ITGAX: variants seen among roughly 807,000 people sequenced by gnomAD.
ITGAX encodes the protein integrin subunit alpha X, also known as integrin alpha-X.
ITGAX carries 99 observed loss-of-function variants against 140.2 expected under a neutral mutation model. The ratio of observed to expected loss-of-function variants is 0.71; its 90% CI spans 0.60 to 0.83. The LOEUF is 0.83. Among genes scored for constraint, ITGAX ranks in the 40% least tolerant of loss-of-function variants. The pLI is 0.00. For missense variants in ITGAX, 1,444 were observed against 1,482.0 expected (o/e 0.97, Z 0.42); for synonymous variants, 631 against 600.4 (o/e 1.05, Z -0.75).
At position 31,381,791 on chromosome 16, in the gene ITGAX, C is replaced by T. The variant is rs1164143230; in HGVS notation, c.3388-12C>T. On this transcript the variant is annotated splice_polypyrimidine_tract_variant and intron_variant, in intron 29 of 29. Coordinates refer to ENST00000268296, the MANE Select transcript of ITGAX (RefSeq NM_000887.5). ...TGGGCTTCCTGAGTTTCTTCTTCGT[C>T]CTCCCCCCTAGGTTGGCTTCTTCAA... 1 of 871,696 alleles carries T rather than the reference C, an allele frequency of 1.1e-6. No individual in the cohort carries two copies. The highest frequency in any genetic ancestry group is 1.3e-5 in the South Asian group (1 of 76,486). The allele number at this position is 871,696 out of a possible 1,614,324, so 54.0% of individuals were successfully genotyped here.
intron 17 of ITGAX, among the ~76,000 whole-genome samples, chr16:31,372,078 G>T (rs1047599999): frequency 2.0e-5 from 3 of 151,830 alleles, no homozygotes; most frequent in South Asian, 2.1e-4. Context: ...CTGGACAGGG[G>T]TTTATCGAGC....
At chr16:31,362,039 CG>C in intron 10 of ITGAX, 35 bp from the exon 11 acceptor site, 1 of 1,613,908 alleles carries the variant, frequency 6.2e-7, no homozygotes, top group Non-Finnish European at 8.5e-7. Context: ...CTTCCTGCTC[CG>C]GCCTCTGCTC....
At chr16:31,378,309 G>A (rs2081038013) in intron 23 of ITGAX, among the ~76,000 whole-genome samples, 1 of 152,360 alleles carries the variant, frequency 6.6e-6, no homozygotes, top group East Asian at 1.9e-4. Context: ...CAGAGCCCTG[G>A]CATCCTACAT....
Position 31,382,485 on chromosome 16 carries a change from G to A in ITGAX, c.*578G>A, listed in dbSNP as rs2081078968. 6.6e-7 allele frequency: 1 copy of A among 1,514,254 alleles called. No individual in the cohort carries two copies. Among genetic ancestry groups the A allele is most frequent in the Non-Finnish European group, 8.9e-7 (1 of 1,126,988 alleles). The allele number at this position is 1,514,254 out of a possible 1,614,324, so 93.8% of individuals were successfully genotyped here. A position where few individuals can be genotyped will look rare whatever the true frequency, so the allele number is the denominator to read the frequency against. On this transcript the variant is annotated 3_prime_UTR_variant, in exon 30 of 30. Transcript: ENST00000268296. ...TTCAACAGCTCCCCATTACCCTCAG[G>A]ACAATGTCTGAACTCTCCAGCTTCG...
Position 31,380,566 on chromosome 16 carries a change from C to T in ITGAX, c.3218C>T (p.Thr1073Met), listed in dbSNP as rs59889488. The change falls in exon 28 of 30, where the codon ACG (threonine) becomes ATG (methionine). Residue 1073 changes from threonine (T) to methionine (M), a missense_variant. Transcript: ENST00000268296. ...KVSVVSVAEITFDTSVYSQLP... is the reference protein window; with the variant it reads ...KVSVVSVAEIMFDTSVYSQLP... ...TCGGTCGTGAGTGTGGCTGAAATTA[C>T]GTTCGACACATCCGTGTACTCCCAG... The T allele has an allele frequency of 2.2e-3, 3,471 of 1,614,228 alleles. 67 individuals are homozygous for T. The African/African-American group carries it at 0.04, about 19-fold the overall frequency.
chr16:31,370,943 A>G, intron 14 of ITGAX, 141 bp from the exon 15 acceptor site: 1 of 1,008,880 alleles, frequency 9.9e-7, no homozygotes, highest in East Asian at 2.4e-5. Context: ...TCCTCTTTTC[A>G]GGTTCTTCTT....
intron 20 of ITGAX, among the ~76,000 whole-genome samples, chr16:31,374,990 C>CTTCTTTCTTT (rs1039489646): frequency 6.6e-6 from 1 of 151,630 alleles, no homozygotes. Flanking sequence ...TCCTTCCTTT[C>CTTCTTTCTTT]TTCTTTCTTT....
Position 31,371,749 on chromosome 16 carries a change from A to G in ITGAX, c.2125A>G (p.Lys709Glu). The change falls in exon 17 of 30, where the codon AAG (lysine) becomes GAG (glutamate). Residue 709 changes from lysine (K) to glutamate (E), a missense_variant. By Grantham distance (56) the Lys-to-Glu change is moderately conservative. Coordinates refer to ENST00000268296, the MANE Select transcript of ITGAX (RefSeq NM_000887.5). ...SLSRVRVLGL[K>E]AHCENFNLLL... ...GAGCCGAGTCCGAGTCCTCGGGCTG[A>G]AGGCACACTGTGAAAACTTCAACCT... 6.2e-7 allele frequency: 1 copy of G among 1,614,100 alleles called. No homozygotes were observed. Among genetic ancestry groups the G allele is most frequent in the Non-Finnish European group, 8.5e-7 (1 of 1,180,028 alleles).
At chr16:31,375,551 C>T (rs2142523777) in intron 20 of ITGAX, among the ~76,000 whole-genome samples, 1 of 152,318 alleles carries the variant, frequency 6.6e-6, no homozygotes, top group Non-Finnish European at 1.5e-5. Context: ...CAATGAGGAC[C>T]TCTTATATGA....
intron 23 of ITGAX, 54 bp downstream of exon 23, chr16:31,377,319 GAA>G (rs11411067): frequency 5.0e-4 from 517 of 1,037,522 alleles, no homozygotes; most frequent in Non-Finnish European, 5.6e-4. Context: ...ACCTCAAAAA[GAA>G]AAAAAAAAAA....
chr16:31,360,636 C>T (rs1597064733), intron 8 of ITGAX, 173 bp downstream of exon 8: 2 of 614,736 alleles, frequency 3.3e-6, no homozygotes, highest in East Asian at 2.9e-5. Context: ...CCTCCCACCC[C>T]AGCCTCCCCA....
Position 31,372,492 on chromosome 16 carries a change from A to C in ITGAX, c.2275A>C (p.Arg759=), listed in dbSNP as rs2080978420. The change falls in exon 18 of 30, where the codon AGA becomes CGA. Residue 759 remains arginine, a synonymous_variant. Transcript: ENST00000268296. ...GCCTATGCTGGCCGCCGATGCTCAG[A>C]GATACTTCACGGCCTCCGTGAGTCC... The part of the protein sequence containing the change: ...LRPMLAADAQ[R]YFTASLPFEK... The C allele has an allele frequency of 1.2e-6, 2 of 1,608,760 alleles. No homozygotes were observed. The highest frequency in any genetic ancestry group is 8.5e-7 in the Non-Finnish European group (1 of 1,178,702).
intron 2 of ITGAX, 84 bp downstream of exon 2, chr16:31,356,082 T>C: frequency 1.1e-6 from 1 of 931,086 alleles, no homozygotes; most frequent in Non-Finnish European, 1.7e-6. Context: ...GCCCTGTTAT[T>C]TGCAAACTCT....
At chr16:31,366,144 C>G (rs1234845334) in intron 14 of ITGAX, among the ~76,000 whole-genome samples, 2 of 152,260 alleles carry the variant, frequency 1.3e-5, no homozygotes. Context: ...CGACCCTGCA[C>G]TGAGCAAGTC....
At position 31,379,593 on chromosome 16, in the gene ITGAX, A is replaced by C. The variant is rs907675863; in HGVS notation, c.2815A>C (p.Asn939His). Residue 939 changes from asparagine (N) to histidine (H), a missense_variant, in exon 24 of 30, where the codon AAC (asparagine) becomes CAC (histidine). Asn to His is a moderately conservative substitution (Grantham distance 68). Coordinates refer to ENST00000268296, the MANE Select transcript of ITGAX (RefSeq NM_000887.5). ...CCACGAACAATTCACCAAATACCTCAACTTCTCAGAGTCTGAGGAGAAGGA... is the reference window on the plus strand; with the variant it reads ...CCACGAACAATTCACCAAATACCTCCACTTCTCAGAGTCTGAGGAGAAGGA... ...SSHEQFTKYL[N>H]FSESEEKESH... 2.6e-6 allele frequency: 4 copies of C among 1,562,908 alleles called. No individual in the cohort carries two copies. The highest frequency in any genetic ancestry group is 3.5e-6 in the Non-Finnish European group (4 of 1,152,294).
intron 9 of ITGAX, 22 bp from the exon 10 acceptor site, chr16:31,361,814 C>T (rs761140666): frequency 6.2e-7 from 1 of 1,613,508 alleles, no homozygotes; most frequent in Non-Finnish European, 8.5e-7. Context: ...CCCTGGCACT[C>T]AAGCGTCATG....
intron 23 of ITGAX, among the ~76,000 whole-genome samples, chr16:31,379,308 G>A (rs1350809128): frequency 6.7e-6 from 1 of 150,016 alleles, no homozygotes; most frequent in African/African-American, 2.5e-5. Context: ...GTAGAGACAG[G>A]GTTTCACCAT....
chr16:31,367,991 A>T (rs2080908578), intron 14 of ITGAX, among the ~76,000 whole-genome samples: 1 of 152,182 alleles, frequency 6.6e-6, no homozygotes, highest in South Asian at 2.1e-4. Context: ...TCTGATTCTC[A>T]TGGATGACTT....
chr16:31,380,023 A>G lies in ITGAX; in HGVS notation c.3018A>G (p.Pro1006=). 1 of 1,614,154 alleles carries G rather than the reference A, an allele frequency of 6.2e-7. No homozygotes were observed. The highest frequency in any genetic ancestry group is 1.1e-5 in the South Asian group (1 of 91,088). The change falls in exon 26 of 30, where the codon CCA becomes CCG. Residue 1006 remains proline, a synonymous_variant. Coordinates refer to ENST00000268296, the MANE Select transcript of ITGAX (RefSeq NM_000887.5). ...LRCSSEKIAP[P]ASDFLAHIQK... ...GCTCCTCAGAGAAAATCGCACCCCCAGCATCTGACTTCCTGGCGCACATTC... is the reference window on the plus strand; with the variant it reads ...GCTCCTCAGAGAAAATCGCACCCCCGGCATCTGACTTCCTGGCGCACATTC...
Sources: gnomAD v4.1 joint callset for allele counts (sites outside exome capture counted in the v4.1 genomes callset) on GRCh38, gnomAD v4.1.1 for gene constraint, MANE v1.5 for transcripts, NCBI Gene and HGNC (gene_info 2026-07-23, HGNC 2026-07-21) for gene names.